MSRA: variants seen among roughly 807,000 people sequenced by gnomAD.
MSRA encodes methionine sulfoxide reductase A.
MSRA carries 54 observed loss-of-function variants against 31.3 expected under a neutral mutation model. The observed-to-expected ratio is 1.73, with a 90% CI of 1.39 to 2.17. The LOEUF is 2.17. MSRA is among the 30% of genes most tolerant of loss of function. MSRA has a pLI of 0.00. For synonymous variants in MSRA, 169 were observed against 116.5 expected, an observed-to-expected ratio of 1.45 and a Z score of -2.90; for missense variants, 507 against 300.9, an observed-to-expected ratio of 1.69 and a Z score of -5.07.
chr8:10,382,111 C>G (rs958854702), intron 5 of MSRA, among the ~76,000 whole-genome samples: 2 of 152,232 alleles, frequency 1.3e-5, no homozygotes, highest in African/African-American at 4.8e-5. Context: ...TCTACTGCCC[C>G]CAGTGACCGC....
chr8:10,163,097 G>T (rs1804805233), intron 1 of MSRA, among the ~76,000 whole-genome samples: 2 of 152,114 alleles, frequency 1.3e-5, no homozygotes, highest in African/African-American at 4.8e-5. Context: ...TGCACCATGG[G>T]AGGACACAAT....
In MSRA at chr8:10,126,158, T is replaced by G. The variant is rs77752013; in HGVS notation, c.142+71500T>G. Among the ~76,000 whole-genome samples the G allele has an allele frequency of 9.6e-3, 1,456 of 152,320 alleles. 27 individuals carry two copies. The highest frequency in any genetic ancestry group is 0.033 in the African/African-American group (1,392 of 41,570). On this transcript the variant is annotated intron_variant, in intron 1 of 5. Coordinates refer to ENST00000317173, the MANE Select transcript of MSRA (RefSeq NM_012331.5). ...AATTAATACATTGTAACTAACACAT[T>G]AATGAATACTGCCTGGTGAGATGAG... is the stretch of plus-strand genomic sequence containing the variant.
At chr8:10,217,166 G>A (rs1563229692) in intron 2 of MSRA, among the ~76,000 whole-genome samples, 1 of 152,186 alleles carries the variant, frequency 6.6e-6, no homozygotes. Flanking sequence ...ACGTTTGGGG[G>A]AATCACACAT....
chr8:10,208,015 A>G, intron 2 of MSRA, 114 bp downstream of exon 2: 1 of 709,558 alleles, frequency 1.4e-6, no homozygotes, highest in Non-Finnish European at 2.3e-6. Flanking sequence ...CTAGATATTT[A>G]CAAGTTGTTA....
chr8:10,313,806 A>G (rs1364603627), intron 4 of MSRA, among the ~76,000 whole-genome samples: 1 of 152,274 alleles, frequency 6.6e-6, no homozygotes, highest in African/African-American at 2.4e-5. Flanking sequence ...ACAGCTGTTA[A>G]GACATTGTGT....
In MSRA at chr8:10,316,527, C is replaced by CTCTCT. The variant is rs1801726307; in HGVS notation, c.437-3356_437-3355insTCTCT. Among the ~76,000 whole-genome samples, 179 of 112,624 alleles carry CTCTCT rather than the reference C, an allele frequency of 1.6e-3. 5 individuals are homozygous for CTCTCT. The highest frequency in any genetic ancestry group is 5.0e-3 in the African/African-American group (163 of 32,572). The allele number at this position is 112,624 out of a possible 152,430, so 73.9% of individuals were successfully genotyped here. A position where few individuals can be genotyped will look rare whatever the true frequency, so the allele number is the denominator to read the frequency against. On this transcript the variant is annotated intron_variant, in intron 4 of 5. Coordinates refer to ENST00000317173, the MANE Select transcript of MSRA (RefSeq NM_012331.5). ...AGGATTGTTAGCTACTTTGATGATC[C>CTCTCT]CTCTCTCTCTCTCTCTCTCTCTCTC...
At chr8:10,398,775 A>C (rs904364477) in intron 5 of MSRA, among the ~76,000 whole-genome samples, 10 of 152,360 alleles carry the variant, frequency 6.6e-5, no homozygotes, top group African/African-American at 2.4e-4. Flanking sequence ...AAACAGTACG[A>C]GGTTTTTCAT....
At chr8:10,379,734 G>C (rs115199401) in intron 5 of MSRA, among the ~76,000 whole-genome samples, 1,537 of 152,342 alleles carry the variant, frequency 0.01, 27 homozygotes, top group African/African-American at 0.035. Context: ...TCCTAAGTAT[G>C]GGATGGCCAG....
intron 1 of MSRA, among the ~76,000 whole-genome samples, chr8:10,076,003 G>A (rs925630488): frequency 8.5e-5 from 13 of 152,212 alleles, no homozygotes; most frequent in African/African-American, 2.7e-4. Flanking sequence ...TCAGAAATGT[G>A]TTCTCTAGTG....
At chr8:10,056,171 G>A (rs1247620582) in intron 1 of MSRA, among the ~76,000 whole-genome samples, 2 of 128,706 alleles carry the variant, frequency 1.6e-5, no homozygotes, top group African/African-American at 3.0e-5. Context: ...ACACACTGCC[G>A]TGTCTTTGCT....
intron 3 of MSRA, chr8:10,250,604 A>G (rs1458177056): frequency 1.6e-6 from 1 of 629,360 alleles, no homozygotes; most frequent in African/African-American, 1.8e-5. Flanking sequence ...ACTCCGGTGG[A>G]TTTTCAAGCA....
intron 5 of MSRA, among the ~76,000 whole-genome samples, chr8:10,328,027 A>AT (rs35940076): frequency 0.17 from 10,901 of 65,246 alleles, 1,807 homozygotes; most frequent in East Asian, 0.54. Context: ...CTCTATGGTA[A>AT]TTTTTTTTTT....
chr8:10,066,844 T>C (rs769425466), intron 1 of MSRA, among the ~76,000 whole-genome samples: 2 of 151,992 alleles, frequency 1.3e-5, no homozygotes, highest in Non-Finnish European at 2.9e-5. Flanking sequence ...TCAGCTGGTA[T>C]ATCTTTAGTA....
intron 1 of MSRA, among the ~76,000 whole-genome samples, chr8:10,075,469 G>A (rs1337789162): frequency 6.6e-6 from 1 of 152,166 alleles, no homozygotes; most frequent in Non-Finnish European, 1.5e-5. Flanking sequence ...GTTATTAGAG[G>A]AGATCTGAGT....
At chr8:10,319,464 C>G (rs531231264) in intron 4 of MSRA, among the ~76,000 whole-genome samples, 2 of 152,256 alleles carry the variant, frequency 1.3e-5, no homozygotes, top group South Asian at 2.1e-4. Flanking sequence ...CAGACATTGT[C>G]TCATTTCCTC....
intron 2 of MSRA, among the ~76,000 whole-genome samples, chr8:10,210,411 G>T (rs577034200): frequency 4.6e-5 from 7 of 152,146 alleles, no homozygotes; most frequent in Non-Finnish European, 8.8e-5. Context: ...CTTTCAGCTG[G>T]GTCCACACAC....
At chr8:10,103,098 C>G (rs1226608506) in intron 1 of MSRA, among the ~76,000 whole-genome samples, 1 of 152,136 alleles carries the variant, frequency 6.6e-6, no homozygotes, top group Non-Finnish European at 1.5e-5. Flanking sequence ...GTAGTTTCTA[C>G]TTTATTAATT....
chr8:10,269,216 C>T (rs1366909410), intron 3 of MSRA, among the ~76,000 whole-genome samples: 1 of 152,192 alleles, frequency 6.6e-6, no homozygotes, highest in Non-Finnish European at 1.5e-5. Context: ...CAATTGTGTT[C>T]AAAGAAATGA....
At chr8:10,088,772 A>C (rs563241683) in intron 1 of MSRA, among the ~76,000 whole-genome samples, 9 of 152,326 alleles carry the variant, frequency 5.9e-5, no homozygotes, top group Admixed American at 3.9e-4. Flanking sequence ...AATAAGGACC[A>C]TGTGATATAT....
Sources: allele counts gnomAD v4.1 joint callset (sites outside exome capture counted in the v4.1 genomes callset), GRCh38; gene constraint gnomAD v4.1.1; transcripts MANE v1.5; gene names NCBI Gene and HGNC (gene_info 2026-07-23, HGNC 2026-07-21).